DDX46: variants seen among roughly 807,000 people sequenced by gnomAD.
The protein encoded by DDX46 is probable ATP-dependent RNA helicase DDX46.
A neutral mutation model predicts 134.9 loss-of-function variants in DDX46; 30 were observed. That is an observed-to-expected ratio of 0.22 (90% confidence interval 0.17 to 0.30). The LOEUF (loss-of-function observed/expected upper bound fraction) is 0.30, where lower values mean the gene tolerates loss of function less well. Among genes scored for constraint, DDX46 ranks in the 10% least tolerant of loss-of-function variants. DDX46 has a pLI of 1.00. For synonymous variants in DDX46, 415 were observed against 404.1 expected, an observed-to-expected ratio of 1.03 and a Z score of -0.32; for missense variants, 622 against 1,248.7, an observed-to-expected ratio of 0.50 and a Z score of 7.56.
At chr5:134,795,139 C>G (rs1018611079) in intron 14 of DDX46, 125 bp downstream of exon 14, 6 of 1,049,584 alleles carry the variant, frequency 5.7e-6, no homozygotes, top group African/African-American at 4.9e-5. Context: ...TACCACTACT[C>G]TAGCCTTCAG....
Position 134,816,504 on chromosome 5 carries a change from T to G in DDX46, c.2511T>G (p.Ser837Arg). 1 of 1,614,018 alleles carries G rather than the reference T, an allele frequency of 6.2e-7. No homozygotes were observed. The highest frequency in any genetic ancestry group is 8.5e-7 in the Non-Finnish European group (1 of 1,179,932). The stretch of plus-strand genomic sequence containing the variant: ...ATATGGCTGCTCCTGGAACATCAAG[T>G]GTTCCTGCTCCAACTGCAGGAAATG... ...VKDMAAPGTS[S>R]VPAPTAGNAE... The change falls in exon 19 of 23, where the codon AGT becomes AGG. Residue 837 changes from serine (S) to arginine (R), a missense_variant. By Grantham distance (110) the Ser-to-Arg change is moderately radical (BLOSUM62 -1). Coordinates refer to ENST00000452510, the MANE Select transcript of DDX46 (RefSeq NM_001300860.2).
chr5:134,810,328 A>T (rs1313920582), intron 16 of DDX46, among the ~76,000 whole-genome samples: 1 of 151,572 alleles, frequency 6.6e-6, no homozygotes, highest in African/African-American at 2.4e-5. Flanking sequence ...CATTTGTGTA[A>T]AATTACCTAT....
chr5:134,759,798 A>G (rs1208389605), intron 1 of DDX46, among the ~76,000 whole-genome samples: 1 of 152,244 alleles, frequency 6.6e-6, no homozygotes, highest in Admixed American at 6.5e-5. Context: ...GCAAATATAT[A>G]AACCGTGTAA....
intron 21 of DDX46, among the ~76,000 whole-genome samples, chr5:134,821,988 G>C (rs1755469040): frequency 6.6e-6 from 1 of 150,968 alleles, no homozygotes; most frequent in African/African-American, 2.4e-5. Flanking sequence ...CACCTCCCAG[G>C]TTCAAGGAGT....
At chr5:134,787,537 T>C (rs1338648551) in intron 11 of DDX46, among the ~76,000 whole-genome samples, 3 of 152,244 alleles carry the variant, frequency 2.0e-5, no homozygotes, top group African/African-American at 7.2e-5. Context: ...TTTTAATTAC[T>C]TCAAATTACT....
chr5:134,759,350 G>T (rs73297382), intron 1 of DDX46, among the ~76,000 whole-genome samples: 5 of 152,258 alleles, frequency 3.3e-5, no homozygotes. Flanking sequence ...CTTTGTGCGC[G>T]TATGATCTTT....
rs1561868814 is a variant in DDX46, at chr5:134,804,944, A to G, written c.1955-2804A>G. 3 of 347,316 alleles carry G rather than the reference A, an allele frequency of 8.6e-6. No homozygotes were observed. The East Asian group carries it at 1.9e-4, about 22-fold the overall frequency. 21.5% of individuals were successfully genotyped at this position (347,316 alleles called of 1,614,324 possible). On this transcript the variant is annotated intron_variant, in intron 15 of 22. Coordinates refer to ENST00000452510, the MANE Select transcript of DDX46 (RefSeq NM_001300860.2). ...TTGTTTTGGACATTCACGTAACAAT[A>G]TTAGATCTCACAACACAAACCCCTT...
At chr5:134,800,478 G>T (rs766739756) in intron 15 of DDX46, among the ~76,000 whole-genome samples, 1 of 151,996 alleles carries the variant, frequency 6.6e-6, no homozygotes, top group Admixed American at 6.6e-5. Context: ...ATTTCTGTTG[G>T]ACACTGGGGA....
chr5:134,783,196 A>G, intron 9 of DDX46, 131 bp downstream of exon 9: 1 of 1,239,584 alleles, frequency 8.1e-7, no homozygotes, highest in Non-Finnish European at 1.1e-6. Context: ...TCATTGAGAT[A>G]ATTTATATAT....
At chr5:134,776,781 C>T (rs1276223656) in intron 5 of DDX46, among the ~76,000 whole-genome samples, 10 of 151,542 alleles carry the variant, frequency 6.6e-5, no homozygotes, top group African/African-American at 1.7e-4. Context: ...AGTATGGTGG[C>T]GCACGCCTGT....
At chr5:134,812,254 G>A (rs769274624) in intron 18 of DDX46, among the ~76,000 whole-genome samples, 4 of 151,566 alleles carry the variant, frequency 2.6e-5, no homozygotes, top group Non-Finnish European at 5.9e-5. Flanking sequence ...TAGTTGAGGC[G>A]GGGTTTAACC....
At chr5:134,809,444 T>C (rs1435432544) in intron 16 of DDX46, among the ~76,000 whole-genome samples, 3 of 152,120 alleles carry the variant, frequency 2.0e-5, no homozygotes, top group African/African-American at 7.2e-5. Flanking sequence ...CTTGGCTCAC[T>C]GCAACCTCTC....
chr5:134,808,202 A>G (rs1755043807), intron 16 of DDX46, among the ~76,000 whole-genome samples: 1 of 152,198 alleles, frequency 6.6e-6, no homozygotes, highest in Admixed American at 6.5e-5. Flanking sequence ...CCTCATGCCT[A>G]AACGTTTCTA....
chr5:134,795,126 G>C, intron 14 of DDX46, 112 bp downstream of exon 14: 2 of 1,215,564 alleles, frequency 1.6e-6, no homozygotes, highest in Non-Finnish European at 2.3e-6. Flanking sequence ...AAATCAAGTC[G>C]TATACCACTA....
At chr5:134,776,671 CTT>C (rs1753946446) in intron 5 of DDX46, among the ~76,000 whole-genome samples, 1 of 152,064 alleles carries the variant, frequency 6.6e-6, no homozygotes, top group South Asian at 2.1e-4. Flanking sequence ...AATCCCAACA[CTT>C]TGGGAGGCTG....
rs777120607 is a variant in DDX46, at chr5:134,782,997, T to C, written c.1098T>C (p.Gly366=). ...EMEGITVKGK[G]CPKPIKSWVQ... is the part of the protein sequence containing the mutation. ...AGGGCATTACAGTTAAAGGAAAAGG[T>C]TGCCCCAAACCAATTAAATCCTGGG... Residue 366 remains glycine (G), a synonymous_variant, in exon 9 of 23, where the codon GGT becomes GGC. Coordinates refer to ENST00000452510, the MANE Select transcript of DDX46 (RefSeq NM_001300860.2). The C allele has an allele frequency of 6.2e-7, 1 of 1,613,846 alleles. No individual in the cohort carries two copies. Among genetic ancestry groups the C allele is most frequent in the South Asian group, 1.1e-5 (1 of 91,078 alleles).
At chr5:134,778,504 C>T (rs1350732806) in intron 6 of DDX46, among the ~76,000 whole-genome samples, 4 of 152,100 alleles carry the variant, frequency 2.6e-5, no homozygotes, top group East Asian at 1.9e-4. Flanking sequence ...TTCAGGCTCC[C>T]GCTACAAGCC....
intron 16 of DDX46, among the ~76,000 whole-genome samples, chr5:134,808,661 A>C (rs1324378806): frequency 6.6e-6 from 1 of 151,534 alleles, no homozygotes; most frequent in Non-Finnish European, 1.5e-5. Context: ...AATTTCTCCT[A>C]CTCCCCTCTT....
intron 15 of DDX46, among the ~76,000 whole-genome samples, chr5:134,803,918 C>CTTT (rs201944776): frequency 0.013 from 1,213 of 93,972 alleles, 2 homozygotes; most frequent in Non-Finnish European, 0.017. Context: ...GATGATTCTT[C>CTTT]TTTTTTTTTT....
Sources: gnomAD v4.1 joint callset for allele counts (sites outside exome capture counted in the v4.1 genomes callset) on GRCh38, gnomAD v4.1.1 for gene constraint, MANE v1.5 for transcripts, NCBI Gene and HGNC (gene_info 2026-07-23, HGNC 2026-07-21) for gene names.